MCTP2: variants seen among roughly 807,000 people sequenced by gnomAD.
MCTP2 encodes multiple C2 and transmembrane domain containing 2, also known as multiple C2 and transmembrane domain-containing protein 2.
MCTP2 carries 132 observed loss-of-function variants against 111.6 expected under a neutral mutation model. That is an observed-to-expected ratio of 1.18 (90% CI 1.03 to 1.37). The LOEUF is 1.37. Ranked by LOEUF, MCTP2 falls within the 40% of genes most tolerant of loss-of-function variation. The probability of loss-of-function intolerance (pLI) is 0.00; values close to 1 mark genes in which losing one functional copy is unlikely to be tolerated. For synonymous variants in MCTP2, 395 were observed against 387.7 expected, an observed-to-expected ratio of 1.02 and a Z score of -0.22; for missense variants, 1,183 against 1,067.9, an observed-to-expected ratio of 1.11 and a Z score of -1.50.
chr15:94,370,221 T>A (rs1431817318), intron 12 of MCTP2, 41 bp downstream of exon 12: 1 of 1,525,746 alleles, frequency 6.6e-7, no homozygotes, highest in East Asian at 2.3e-5. Flanking sequence ...TTTATTTATT[T>A]CCTGCTTTGA....
intron 4 of MCTP2, among the ~76,000 whole-genome samples, chr15:94,330,155 A>G (rs577246220): frequency 6.6e-6 from 1 of 152,342 alleles, no homozygotes; most frequent in East Asian, 1.9e-4. Context: ...GCTGAAAAGT[A>G]TTCCTCATCC....
intron 2 of MCTP2, among the ~76,000 whole-genome samples, chr15:94,312,478 C>T (rs574583064): frequency 2.0e-5 from 3 of 152,328 alleles, no homozygotes; most frequent in African/African-American, 7.2e-5. Flanking sequence ...AGAGTTAGGG[C>T]TGTCTTCCTG....
chr15:94,269,243 G>C (rs560626429), intron 1 of MCTP2, among the ~76,000 whole-genome samples: 1 of 152,256 alleles, frequency 6.6e-6, no homozygotes, highest in East Asian at 1.9e-4. Context: ...CATGAATCAT[G>C]AGTTACACAA....
intron 20 of MCTP2, among the ~76,000 whole-genome samples, chr15:94,465,703 T>G (rs1251370881): frequency 6.6e-6 from 1 of 152,148 alleles, no homozygotes; most frequent in Non-Finnish European, 1.5e-5. Context: ...TTAATGATGC[T>G]TACGATTGCA....
chr15:94,471,521 G>C (rs1253550878), intron 21 of MCTP2, among the ~76,000 whole-genome samples: 1 of 152,164 alleles, frequency 6.6e-6, no homozygotes, highest in Non-Finnish European at 1.5e-5. Context: ...AAATAGAGTA[G>C]CTCATACAAT....
At chr15:94,239,959 G>T (rs1219000016) in intron 1 of MCTP2, among the ~76,000 whole-genome samples, 3 of 152,074 alleles carry the variant, frequency 2.0e-5, no homozygotes, top group Non-Finnish European at 4.4e-5. Context: ...CCTTTCCAAA[G>T]CCACGTGTCA....
chr15:94,243,457 G>A lies in MCTP2; in HGVS notation c.-66+11793G>A, dbSNP rs142590408. On this transcript the variant is annotated intron_variant, in intron 1 of 22. Transcript: ENST00000357742. ...TGTACATACATACGTATGCGTACAT[G>A]CGTATGCGTATATGCGTATGTACAC... Among the ~76,000 whole-genome samples the A allele has an allele frequency of 1.4e-3, 103 of 72,960 alleles. 5 individuals carry two copies. The highest frequency in any genetic ancestry group is 4.2e-3 in the African/African-American group (73 of 17,188). The allele number at this position is 72,960 out of a possible 152,430, so 47.9% of individuals were successfully genotyped here.
chr15:94,313,436 C>G (rs2076236826), intron 2 of MCTP2, among the ~76,000 whole-genome samples: 1 of 152,264 alleles, frequency 6.6e-6, no homozygotes, highest in Non-Finnish European at 1.5e-5. Flanking sequence ...GGCATGGTGG[C>G]TCACGCCTGT....
intron 2 of MCTP2, among the ~76,000 whole-genome samples, chr15:94,306,491 A>G (rs1446727492): frequency 1.3e-5 from 2 of 152,208 alleles, no homozygotes; most frequent in Admixed American, 6.5e-5. Flanking sequence ...TGGGTATAAC[A>G]TGAGTTTGGA....
At chr15:94,309,926 C>T (rs1040724829) in intron 2 of MCTP2, among the ~76,000 whole-genome samples, 1 of 152,200 alleles carries the variant, frequency 6.6e-6, no homozygotes, top group Non-Finnish European at 1.5e-5. Context: ...CATAATAGTG[C>T]TCATTCCAAG....
intron 20 of MCTP2, among the ~76,000 whole-genome samples, chr15:94,469,249 G>A (rs2073698881): frequency 6.6e-6 from 1 of 152,138 alleles, no homozygotes; most frequent in Non-Finnish European, 1.5e-5. Flanking sequence ...CCATTAAGAA[G>A]AAATACTCTC....
intron 14 of MCTP2, among the ~76,000 whole-genome samples, chr15:94,390,069 T>TAC (rs1159959705): frequency 8.1e-4 from 9 of 11,104 alleles, no homozygotes; most frequent in African/African-American, 1.4e-3. Flanking sequence ...TATATATATA[T>TAC]ATATATATAT....
At chr15:94,342,051 AGCAT>A (rs1381140386) in intron 7 of MCTP2, 3 of 152,138 alleles carry the variant, frequency 2.0e-5, no homozygotes, top group Non-Finnish European at 4.4e-5. Flanking sequence ...GCTAGGTTAT[AGCAT>A]GCAATGTAAA....
chr15:94,402,214 T>G (rs1279091226), intron 17 of MCTP2, 195 bp downstream of exon 17: 1 of 892,424 alleles, frequency 1.1e-6, no homozygotes, highest in Non-Finnish European at 1.3e-6. Flanking sequence ...TTAAGAGCAC[T>G]ACTGTTGTAT....
chr15:94,373,524 T>A (rs896887600), intron 12 of MCTP2, among the ~76,000 whole-genome samples: 6 of 152,234 alleles, frequency 3.9e-5, no homozygotes, highest in Admixed American at 3.3e-4. Flanking sequence ...ATGCCTTTTT[T>A]AATAAATATG....
At chr15:94,433,512 C>A (rs546961806) in intron 17 of MCTP2, among the ~76,000 whole-genome samples, 51 of 152,072 alleles carry the variant, frequency 3.4e-4, no homozygotes, top group Non-Finnish European at 6.0e-4. Flanking sequence ...TGGATATATT[C>A]ACTTTTTTGT....
At chr15:94,428,711 C>T (rs1042752687) in intron 17 of MCTP2, among the ~76,000 whole-genome samples, 2 of 152,076 alleles carry the variant, frequency 1.3e-5, no homozygotes, top group Admixed American at 6.6e-5. Context: ...TCTGTGTCTT[C>T]AATAATTTCT....
chr15:94,345,221 A>C, intron 8 of MCTP2, 57 bp downstream of exon 8: 1 of 1,520,788 alleles, frequency 6.6e-7, no homozygotes, highest in Non-Finnish European at 9.0e-7. Context: ...TCTTTGTAGC[A>C]AACAAAAATG....
chr15:94,277,746 G>T (rs2074286864), intron 1 of MCTP2, among the ~76,000 whole-genome samples: 2 of 152,078 alleles, frequency 1.3e-5, no homozygotes, highest in Non-Finnish European at 2.9e-5. Flanking sequence ...TACTGTAAGG[G>T]TAAATACAGG....
Sources: allele counts gnomAD v4.1 joint callset (sites outside exome capture counted in the v4.1 genomes callset), GRCh38; gene constraint gnomAD v4.1.1; transcripts MANE v1.5; gene names NCBI Gene and HGNC (gene_info 2026-07-23, HGNC 2026-07-21).